The following PARVB variants were observed in gnomAD, a reference collection of about 807,000 sequenced individuals.
PARVB encodes the protein parvin beta, also known as beta-parvin.
Under a neutral mutation model 47.0 loss-of-function variants are expected in PARVB, and 46 were observed. The observed-to-expected ratio is 0.98, with a 90% CI of 0.77 to 1.25. PARVB has a LOEUF of 1.25. Among genes scored for constraint, PARVB ranks in the 50% most tolerant of loss-of-function variants. The probability of loss-of-function intolerance (pLI) is 0.00; values close to 1 mark genes in which losing one functional copy is unlikely to be tolerated. For synonymous variants in PARVB, 196 were observed against 196.3 expected (o/e 1.00, Z 0.01); for missense variants, 473 against 471.6 (o/e 1.00, Z -0.03).
intron 1 of PARVB, among the ~76,000 whole-genome samples, chr22:44,055,074 G>GAA (rs201563591): frequency 4.2e-5 from 6 of 142,580 alleles, no homozygotes; most frequent in African/African-American, 1.5e-4. Flanking sequence ...TTGAAAGAAT[G>GAA]AAAAAAAAAT....
chr22:44,061,050 G>C (rs1601543104), intron 1 of PARVB, among the ~76,000 whole-genome samples: 1 of 152,192 alleles, frequency 6.6e-6, no homozygotes, highest in African/African-American at 2.4e-5. Context: ...TCTCTGACCT[G>C]TGCGTTCTCT....
rs1440195914 is a variant in PARVB, at chr22:44,033,699, C to G, written c.112+9248C>G. ...TCTTAGGAATTTCTTTGCTTGTTCT[C>G]TTACAAAGTCATGCATTATTATACG... On this transcript the variant is annotated intron_variant, in intron 1 of 12. Coordinates refer to ENST00000338758, the MANE Select transcript of PARVB (RefSeq NM_013327.5). Among the ~76,000 whole-genome samples the G allele has an allele frequency of 2.0e-5, 3 of 152,304 alleles. No individual in the cohort carries two copies. In the East Asian group the frequency reaches 5.8e-4, roughly 29 times the overall value.
At chr22:44,092,258 A>C (rs977062070) in intron 1 of PARVB, among the ~76,000 whole-genome samples, 7 of 151,896 alleles carry the variant, frequency 4.6e-5, no homozygotes, top group Non-Finnish European at 8.8e-5. Context: ...CTACAGGCGC[A>C]CGCCACCACG....
At chr22:44,001,296 C>T (rs1442713264) in intron 2 of PARVB, among the ~76,000 whole-genome samples, 6 of 152,216 alleles carry the variant, frequency 3.9e-5, no homozygotes, top group African/African-American at 1.4e-4. Context: ...TCATTAATAT[C>T]AGCACCCGTT....
At chr22:44,018,333 C>T (rs371786171) in intron 2 of PARVB, among the ~76,000 whole-genome samples, 2 of 152,084 alleles carry the variant, frequency 1.3e-5, no homozygotes, top group Admixed American at 6.6e-5. Context: ...ACCCAGGAGG[C>T]GGAGGTTGCA....
chr22:44,151,791 G>A lies in PARVB; in HGVS notation c.843+240G>A, dbSNP rs148374847. The stretch of plus-strand genomic sequence containing the variant: ...TGAAACAACAGACCTTTGTGTCCTC[G>A]AAGTGCTGGAGGCCTGAAGTCCAAA... On this transcript the variant is annotated intron_variant, in intron 10 of 12. Transcript: ENST00000338758. 4,091 of 473,382 alleles carry A rather than the reference G, an allele frequency of 8.6e-3. 259 individuals carry two copies. The Admixed American group carries it at 0.12, about 14-fold the overall frequency. 29.3% of individuals were successfully genotyped at this position (473,382 alleles called of 1,614,324 possible). A position where few individuals can be genotyped will look rare whatever the true frequency, so the allele number is the denominator to read the frequency against.
intron 1 of PARVB, among the ~76,000 whole-genome samples, chr22:44,090,704 T>C (rs1453310010): frequency 1.3e-5 from 2 of 152,216 alleles, no homozygotes; most frequent in Non-Finnish European, 2.9e-5. Flanking sequence ...TGTGTAATCC[T>C]CCACACATAG....
intron 9 of PARVB, 51 bp from the exon 10 acceptor site, chr22:44,151,432 G>C: frequency 1.4e-6 from 2 of 1,390,186 alleles, no homozygotes; most frequent in Non-Finnish European, 2.0e-6. Flanking sequence ...CTCCAGATGG[G>C]ACCTGCATGC....
chr22:44,050,808 TG>T (rs2051195245), intron 1 of PARVB, among the ~76,000 whole-genome samples: 2 of 152,218 alleles, frequency 1.3e-5, no homozygotes. Flanking sequence ...TCACCTGTCT[TG>T]CAGTCTTATT....
At chr22:44,117,078 C>T (rs899652426) in intron 3 of PARVB, among the ~76,000 whole-genome samples, 7 of 152,024 alleles carry the variant, frequency 4.6e-5, no homozygotes, top group African/African-American at 7.2e-5. Flanking sequence ...GAAAGGAGCA[C>T]GCCTGGGGTG....
intron 11 of PARVB, among the ~76,000 whole-genome samples, chr22:44,158,665 C>T (rs2053987733): frequency 6.6e-6 from 1 of 152,176 alleles, no homozygotes; most frequent in South Asian, 2.1e-4. Context: ...CTGGGCTGGC[C>T]CACGCCACCC....
At chr22:44,017,203 A>C (rs1337903987) in intron 2 of PARVB, among the ~76,000 whole-genome samples, 3 of 152,156 alleles carry the variant, frequency 2.0e-5, no homozygotes, top group African/African-American at 7.2e-5. Context: ...GTGAGAGGTA[A>C]TCCACCCTAA....
intron 1 of PARVB, among the ~76,000 whole-genome samples, chr22:44,085,918 C>T (rs978122581): frequency 2.0e-5 from 3 of 152,296 alleles, no homozygotes; most frequent in Non-Finnish European, 2.9e-5. Context: ...GTGGAGTCTG[C>T]GCCACCTGTT....
chr22:44,054,751 A>G (rs953147908), intron 1 of PARVB, among the ~76,000 whole-genome samples: 8 of 148,458 alleles, frequency 5.4e-5, no homozygotes, highest in African/African-American at 2.0e-4. Context: ...CACTTTGGGA[A>G]GTCGAGGTGG....
chr22:44,158,253 G>A (rs1302899214), intron 11 of PARVB, among the ~76,000 whole-genome samples, 170 bp downstream of exon 11: 1 of 152,184 alleles, frequency 6.6e-6, no homozygotes, highest in African/African-American at 2.4e-5. Context: ...GAAATAAGAA[G>A]CCCATCAGCC....
At chr22:44,067,042 A>G (rs970688520) in intron 1 of PARVB, among the ~76,000 whole-genome samples, 2 of 151,990 alleles carry the variant, frequency 1.3e-5, no homozygotes, top group Non-Finnish European at 2.9e-5. Flanking sequence ...GGGTCTCACT[A>G]TGTTGCTTAG....
chr22:44,001,293 TATC>T (rs1211723948), intron 2 of PARVB, among the ~76,000 whole-genome samples: 1 of 152,190 alleles, frequency 6.6e-6, no homozygotes, highest in African/African-American at 2.4e-5. Flanking sequence ...CATTCATTAA[TATC>T]AGCACCCGTT....
rs144333376 is a variant in PARVB, at chr22:44,073,064, C to T, written c.113-20864C>T. Among the ~76,000 whole-genome samples, 639 of 152,316 alleles carry T rather than the reference C, an allele frequency of 4.2e-3. 3 individuals are homozygous for T. The highest frequency in any genetic ancestry group is 0.015 in the African/African-American group (606 of 41,560). On this transcript the variant is annotated intron_variant, in intron 1 of 12. Transcript: ENST00000338758. ...GGCCCACCCAGTGCCCCGTGCCAGG[C>T]CTGACCATAGTGGATGTCACTAAGC... is the stretch of plus-strand genomic sequence containing the variant.
At chr22:44,118,832 C>T (rs1437413141) in intron 3 of PARVB, among the ~76,000 whole-genome samples, 2 of 151,736 alleles carry the variant, frequency 1.3e-5, no homozygotes, top group Admixed American at 1.3e-4. Flanking sequence ...CTGTGCAGCC[C>T]CTGTCTCTGT....
Sources: gnomAD v4.1 joint callset for allele counts (sites outside exome capture counted in the v4.1 genomes callset) on GRCh38, gnomAD v4.1.1 for gene constraint, MANE v1.5 for transcripts, NCBI Gene and HGNC (gene_info 2026-07-23, HGNC 2026-07-21) for gene names.